Variants in APBA2 observed in about 807,000 individuals in gnomAD.
APBA2 encodes the protein amyloid beta precursor protein binding family A member 2.
APBA2 carries 30 observed loss-of-function variants against 75.0 expected under a neutral mutation model. The ratio of observed to expected loss-of-function variants is 0.40; its 90% CI spans 0.30 to 0.54. The LOEUF is 0.54. Among genes scored for constraint, APBA2 ranks in the 20% least tolerant of loss-of-function variants. The pLI, the probability that APBA2 is intolerant of heterozygous loss-of-function variation, is 0.49. For missense variants in APBA2, 801 were observed against 1,016.1 expected (o/e 0.79, Z 2.88); for synonymous variants, 444 against 409.6 (o/e 1.08, Z -1.01).
chr15:29,105,937 AG>A (rs1234049574), intron 11 of APBA2, among the ~76,000 whole-genome samples: 2 of 152,258 alleles, frequency 1.3e-5, no homozygotes, highest in African/African-American at 4.8e-5. Context: ...AGCTGGTCCC[AG>A]TGGCTTCCCC....
intron 3 of APBA2, among the ~76,000 whole-genome samples, chr15:29,020,052 C>T (rs2039871926): frequency 6.6e-6 from 1 of 152,220 alleles, no homozygotes; most frequent in African/African-American, 2.4e-5. Context: ...CCTGTGTTTA[C>T]TGGCACATGT....
chr15:29,092,255 C>T (rs138974754), intron 6 of APBA2, among the ~76,000 whole-genome samples: 327 of 152,292 alleles, frequency 2.1e-3, no homozygotes, highest in Middle Eastern at 6.8e-3. Flanking sequence ...GGTTTGCCCA[C>T]CCCTAGCTGG....
intron 3 of APBA2, among the ~76,000 whole-genome samples, chr15:29,053,386 G>A (rs2041700281): frequency 6.6e-6 from 1 of 152,216 alleles, no homozygotes; most frequent in African/African-American, 2.4e-5. Context: ...AGGTACCCAA[G>A]ATAGTCTTTG....
At chr15:28,966,591 T>G (rs1172975114) in intron 2 of APBA2, among the ~76,000 whole-genome samples, 14 of 152,210 alleles carry the variant, frequency 9.2e-5, no homozygotes, top group Non-Finnish European at 4.4e-5. Context: ...GAAATGAGTT[T>G]CTTGTAGGTA....
chr15:29,087,094 T>C lies in APBA2; in HGVS notation c.1070-5981T>C, dbSNP rs142883619. On this transcript the variant is annotated intron_variant, in intron 6 of 14. Transcript: ENST00000683413. Reference sequence around the variant, plus strand: ...AACCCTGGCGGTGATGCCACAGCTCTGTGCTGTTCACAGGAGCATGGAGAG... The same window carrying C: ...AACCCTGGCGGTGATGCCACAGCTCCGTGCTGTTCACAGGAGCATGGAGAG... Among the ~76,000 whole-genome samples the C allele has an allele frequency of 1.1e-3, 162 of 152,352 alleles. 1 individual carries two copies. Among genetic ancestry groups the C allele is most frequent in the Middle Eastern group, 3.4e-3 (1 of 294 alleles).
rs200506534 is a variant in APBA2 at position 28,950,626 on chromosome 15, CA to C, written c.-95+28890del. Among the ~76,000 whole-genome samples the C allele has an allele frequency of 1.5e-3, 193 of 131,438 alleles. No individual in the cohort carries two copies. The Middle Eastern group carries it at 0.017, about 12-fold the overall frequency. The allele number at this position is 131,438 out of a possible 152,430, so 86.2% of individuals were successfully genotyped here. ...TAGGCGACAGAGTGAGATTCTGTCT[CA>C]AAAAAAAAAAAAGAAAGCAAAAAAA... On this transcript the variant is annotated intron_variant, in intron 2 of 14. Transcript: ENST00000683413.
At chr15:29,099,091 T>G (rs2043995063) in intron 9 of APBA2, among the ~76,000 whole-genome samples, 1 of 152,100 alleles carries the variant, frequency 6.6e-6, no homozygotes, top group African/African-American at 2.4e-5. Context: ...AGCCTGGCAC[T>G]TGGTGAAAAC....
intron 3 of APBA2, among the ~76,000 whole-genome samples, chr15:29,050,477 G>A (rs180992805): frequency 2.0e-5 from 3 of 152,170 alleles, no homozygotes; most frequent in Admixed American, 6.5e-5. Context: ...AAATTATATT[G>A]TTGTCGTAGT....
At chr15:29,004,026 TGTGGG>T (rs2038986410) in intron 3 of APBA2, among the ~76,000 whole-genome samples, 1 of 152,206 alleles carries the variant, frequency 6.6e-6, no homozygotes, top group South Asian at 2.1e-4. Flanking sequence ...GCTGCAGATG[TGTGGG>T]GTGGCAGCAT....
At chr15:28,965,373 T>A (rs75762718) in intron 2 of APBA2, among the ~76,000 whole-genome samples, 5,047 of 152,282 alleles carry the variant, frequency 0.033, 293 homozygotes, top group African/African-American at 0.12. Flanking sequence ...TCTTGATTAC[T>A]ATATCTCTGT....
intron 3 of APBA2, among the ~76,000 whole-genome samples, chr15:29,016,858 G>T (rs1428769018): frequency 6.6e-6 from 1 of 151,832 alleles, no homozygotes; most frequent in African/African-American, 2.4e-5. Flanking sequence ...CCTGCATTTT[G>T]TCTCTTTCTA....
chr15:28,947,870 C>A (rs1173464573), intron 2 of APBA2, among the ~76,000 whole-genome samples: 111 of 152,330 alleles, frequency 7.3e-4, no homozygotes, highest in African/African-American at 2.6e-3. Context: ...ATTTTCAAAA[C>A]TGACTAATGT....
rs151225732 is a variant in APBA2, at chr15:28,936,710, G to A, written c.-95+14961G>A. On this transcript the variant is annotated intron_variant, in intron 2 of 14. Transcript: ENST00000683413. ...AGCCCCAGGGCTCCCTGACTGGGCTGTGCCACCTGGGGACAGGCAGATAGA... is the reference window on the plus strand; with the variant it reads ...AGCCCCAGGGCTCCCTGACTGGGCTATGCCACCTGGGGACAGGCAGATAGA... 2.8e-3 allele frequency among the ~76,000 whole-genome samples: 420 copies of A among 152,330 alleles called. 8 individuals are homozygous for A. The highest frequency in any genetic ancestry group is 0.024 in the Admixed American group (370 of 15,302).
chr15:29,044,818 C>G (rs1014870505), intron 3 of APBA2, among the ~76,000 whole-genome samples: 5 of 152,150 alleles, frequency 3.3e-5, no homozygotes, highest in African/African-American at 4.8e-5. Context: ...GCTCAGGCTG[C>G]TATATCAAAA....
chr15:29,115,503 CA>C (rs2045041018), intron 14 of APBA2, among the ~76,000 whole-genome samples: 1 of 152,088 alleles, frequency 6.6e-6, no homozygotes, highest in African/African-American at 2.4e-5. Context: ...CGGCCGCCCC[CA>C]CGGCCAGCAG....
intron 13 of APBA2, among the ~76,000 whole-genome samples, chr15:29,112,116 T>G (rs1288265582): frequency 6.6e-6 from 1 of 152,172 alleles, no homozygotes; most frequent in Non-Finnish European, 1.5e-5. Context: ...TGCCAGGCCC[T>G]TCGCCTGAAG....
chr15:29,067,075 G>A (rs1428029255), intron 4 of APBA2, among the ~76,000 whole-genome samples: 7 of 151,130 alleles, frequency 4.6e-5, no homozygotes, highest in Non-Finnish European at 1.0e-4. Flanking sequence ...GGAGGGGGAA[G>A]CGCCACACAC....
intron 6 of APBA2, among the ~76,000 whole-genome samples, chr15:29,090,061 T>G (rs572473922): frequency 6.6e-6 from 1 of 152,290 alleles, no homozygotes; most frequent in African/African-American, 2.4e-5. Flanking sequence ...CCGCCCCCAC[T>G]GGACTCTTCT....
chr15:28,969,179 T>TCTTTCTTTCGTTCGTTCGTTCTTTCTTTC (rs2036924825), intron 2 of APBA2, among the ~76,000 whole-genome samples: 2 of 143,210 alleles, frequency 1.4e-5, no homozygotes, highest in African/African-American at 5.3e-5. Flanking sequence ...TTTCTTTCTT[T>TCTTTCTTTCGTTCGTTCGTTCTTTCTTTC]CTTTTTTTTA....
Sources: allele counts gnomAD v4.1 joint callset (sites outside exome capture counted in the v4.1 genomes callset), GRCh38; gene constraint gnomAD v4.1.1; transcripts MANE v1.5; gene names NCBI Gene and HGNC (gene_info 2026-07-23, HGNC 2026-07-21).